The following VPS53 variants were observed in gnomAD, a reference collection of about 807,000 sequenced individuals.
VPS53 encodes the protein VPS53 subunit of GARP complex, also known as vacuolar protein sorting-associated protein 53 homolog.
VPS53 carries 70 observed loss-of-function variants against 107.0 expected under a neutral mutation model. That is an observed-to-expected ratio of 0.65 (90% CI 0.54 to 0.80). VPS53 has a LOEUF of 0.80. Ranked by LOEUF, VPS53 falls within the 30% of genes least tolerant of loss-of-function variation. The pLI is 0.00. For missense variants in VPS53, 917 were observed against 1,049.4 expected (o/e 0.87, Z 1.74); for synonymous variants, 409 against 393.3 (o/e 1.04, Z -0.47).
At chr17:705,659 G>C (rs1973372812) in intron 2 of VPS53, 1 of 152,196 alleles carries the variant, frequency 6.6e-6, no homozygotes, top group Non-Finnish European at 1.5e-5. Context: ...GGAATTGCTT[G>C]AACCAGGGAG....
intron 11 of VPS53, among the ~76,000 whole-genome samples, chr17:616,864 T>A (rs1969160925): frequency 6.6e-6 from 1 of 152,206 alleles, no homozygotes; most frequent in Admixed American, 6.5e-5. Context: ...TTGGGGGATT[T>A]TTCCTTGGAG....
At chr17:714,466 G>A (rs1973770493) in intron 1 of VPS53, 157 bp downstream of exon 1, 1 of 653,814 alleles carries the variant, frequency 1.5e-6, no homozygotes, top group African/African-American at 1.9e-5. Flanking sequence ...TTCTGATTCA[G>A]AAACCGCTTC....
chr17:598,559 C>T (rs1410449751), intron 12 of VPS53, among the ~76,000 whole-genome samples: 12 of 151,272 alleles, frequency 7.9e-5, no homozygotes, highest in African/African-American at 1.5e-4. Context: ...AAGTGAGGAG[C>T]GTCTCTGCCC....
At position 655,872 on chromosome 17, in the gene VPS53, G is replaced by A. The variant is rs906560182; in HGVS notation, c.454C>T (p.Leu152=). Residue 152 remains leucine, a synonymous_variant, in exon 6 of 22, where the codon CTG becomes TTG. Coordinates refer to ENST00000437048, the MANE Select transcript of VPS53 (RefSeq NM_001128159.3). ...LTTSITTLNH[L]HMLAGGVDSL... is the part of the protein sequence containing the mutation. ...TCGACACCTCCTGCCAGCATGTGCA[G>A]GTGGTTCAGTGTGGTGATTGAGGTG... 8.7e-6 allele frequency: 14 copies of A among 1,614,034 alleles called. No homozygotes were observed. The highest frequency in any genetic ancestry group is 3.3e-4 in the Middle Eastern group (2 of 6,060).
rs570198002 is a variant in VPS53 at position 646,094 on chromosome 17, G to A, written c.608+7197C>T. On this transcript the variant is annotated intron_variant, in intron 7 of 21. Coordinates refer to ENST00000437048, the MANE Select transcript of VPS53 (RefSeq NM_001128159.3). ...TCTTATCTTTTCTAATTCATACCACGGACTGGAGACTGGCTCTTACACACA... is the reference window on the plus strand; with the variant it reads ...TCTTATCTTTTCTAATTCATACCACAGACTGGAGACTGGCTCTTACACACA... 6.0e-5 allele frequency among the ~76,000 whole-genome samples: 7 copies of A among 116,132 alleles called. 2 individuals carry two copies. The highest frequency in any genetic ancestry group is 1.8e-4 in the African/African-American group (6 of 33,382). The allele number at this position is 116,132 out of a possible 152,430, so 76.2% of individuals were successfully genotyped here.
chr17:619,617 T>C (rs12950711), intron 11 of VPS53, among the ~76,000 whole-genome samples: 32 of 62,142 alleles, frequency 5.1e-4, no homozygotes, highest in Admixed American at 1.9e-3. Context: ...ACTACAGGCG[T>C]GCACCACCAC....
chr17:698,432 C>CAAA (rs1208695389), intron 3 of VPS53, among the ~76,000 whole-genome samples: 1 of 97,254 alleles, frequency 1.0e-5, no homozygotes, highest in Non-Finnish European at 2.1e-5. Flanking sequence ...GACTCCATCT[C>CAAA]AAAAAAAAAA....
At chr17:577,299 G>A (rs747304710) in intron 13 of VPS53, among the ~76,000 whole-genome samples, 1 of 146,414 alleles carries the variant, frequency 6.8e-6, no homozygotes, top group Non-Finnish European at 1.5e-5. Flanking sequence ...GAACCACAAT[G>A]CATTCCTAGA....
chr17:627,774 TCACACACACA>T (rs60407745), intron 9 of VPS53, among the ~76,000 whole-genome samples: 1 of 150,538 alleles, frequency 6.6e-6, no homozygotes, highest in Non-Finnish European at 1.5e-5. Flanking sequence ...AAACTCCGTC[TCACACACACA>T]CACACACACA....
chr17:676,049 A>G, intron 4 of VPS53: 1 of 150,446 alleles, frequency 6.6e-6, no homozygotes, highest in Admixed American at 6.6e-5. Flanking sequence ...AGATGACTAC[A>G]AAACGCCAAG....
intron 3 of VPS53, among the ~76,000 whole-genome samples, chr17:698,265 A>G (rs1178717903): frequency 6.6e-6 from 1 of 151,876 alleles, no homozygotes; most frequent in Non-Finnish European, 1.5e-5. Context: ...TAACCCTGTA[A>G]CTACTAAAAA....
At chr17:647,568 C>G (rs984144584) in intron 7 of VPS53, among the ~76,000 whole-genome samples, 1 of 152,194 alleles carries the variant, frequency 6.6e-6, no homozygotes, top group Non-Finnish European at 1.5e-5. Flanking sequence ...CCTGCTCCAT[C>G]CAGGCTCCTT....
In VPS53 at chr17:638,746, C is replaced by T. The variant is rs531243008; in HGVS notation, c.609-7118G>A. On this transcript the variant is annotated intron_variant, in intron 7 of 21. Coordinates refer to ENST00000437048, the MANE Select transcript of VPS53 (RefSeq NM_001128159.3). ...TTCAAGAATGTTGAATATTGGCCCC[C>T]ACTCTCTTCTGGCTTATAGAGTTTC... 7.2e-4 allele frequency among the ~76,000 whole-genome samples: 109 copies of T among 152,322 alleles called. 1 individual carries two copies. In the South Asian group the frequency reaches 0.022, roughly 31 times the overall value.
rs565995294 is a variant in VPS53 at position 639,811 on chromosome 17, C to T, written c.609-8183G>A. 3.9e-4 allele frequency among the ~76,000 whole-genome samples: 60 copies of T among 152,340 alleles called. No homozygotes were observed. The East Asian group carries it at 8.3e-3, about 21-fold the overall frequency. ...TGTGTGAGGTGTCAGTCTGCCCCTA[C>T]TGGAGGGTGCCTCCCAGTTAGGCTA... On this transcript the variant is annotated intron_variant, in intron 7 of 21. Coordinates refer to ENST00000437048, the MANE Select transcript of VPS53 (RefSeq NM_001128159.3).
intron 4 of VPS53, 98 bp downstream of exon 4, chr17:697,320 G>A (rs1407054979): frequency 1.9e-5 from 19 of 1,014,938 alleles, no homozygotes; most frequent in East Asian, 2.4e-5. Context: ...CGGATCAATC[G>A]GAAAGTGCTC....
At chr17:609,375 C>T (rs899239823) in intron 11 of VPS53, among the ~76,000 whole-genome samples, 1 of 152,150 alleles carries the variant, frequency 6.6e-6, no homozygotes, top group Non-Finnish European at 1.5e-5. Context: ...GGACAGACCA[C>T]GTTTTGGTTA....
rs1211485070 is a variant in VPS53 at position 516,369 on chromosome 17, G to GC, written c.*2758_*2759insG. 8 of 151,872 alleles carry GC rather than the reference G, an allele frequency of 5.3e-5. No homozygotes were observed. Among genetic ancestry groups the GC allele is most frequent in the African/African-American group, 1.9e-4 (8 of 41,314 alleles). 9.4% of individuals were successfully genotyped at this position (151,872 alleles called of 1,614,324 possible). On this transcript the variant is annotated 3_prime_UTR_variant, in exon 22 of 22. Transcript: ENST00000437048. ...ACTGACTCAAAATCTCCGGGCATCT[G>GC]TTTTTTTGTTTGTTTTGAGATAGAG...
At chr17:626,208 CAA>C (rs79430823) in intron 10 of VPS53, among the ~76,000 whole-genome samples, 5 of 114,688 alleles carry the variant, frequency 4.4e-5, no homozygotes, top group Admixed American at 8.9e-5. Flanking sequence ...GACCCCGTCT[CAA>C]AAAAAAAAAA....
At chr17:554,796 G>T (rs778102180) in intron 15 of VPS53, among the ~76,000 whole-genome samples, 10 of 152,128 alleles carry the variant, frequency 6.6e-5, no homozygotes, top group Non-Finnish European at 8.8e-5. Context: ...TTTTTGGAAG[G>T]CAATTTATTC....
Sources: allele counts gnomAD v4.1 joint callset (sites outside exome capture counted in the v4.1 genomes callset), GRCh38; gene constraint gnomAD v4.1.1; transcripts MANE v1.5; gene names NCBI Gene and HGNC (gene_info 2026-07-23, HGNC 2026-07-21).